The following C3orf70 variants were observed in gnomAD, a reference collection of about 807,000 sequenced individuals.
The protein encoded by C3orf70 is chromosome 3 open reading frame 70, also known as UPF0524 protein C3orf70.
A neutral mutation model predicts 20.7 loss-of-function variants in C3orf70; 15 were observed. That is an observed-to-expected ratio of 0.72 (90% CI 0.48 to 1.11). C3orf70 has a LOEUF of 1.11. Ranked by LOEUF, C3orf70 falls within the 50% of genes most tolerant of loss-of-function variation. The pLI is 0.00. For missense variants in C3orf70, 332 were observed against 317.6 expected (o/e 1.05, Z -0.34); for synonymous variants, 161 against 125.7 (o/e 1.28, Z -1.88).
intron 1 of C3orf70, among the ~76,000 whole-genome samples, chr3:185,088,829 AT>A (rs945066345): frequency 6.6e-6 from 1 of 151,994 alleles, no homozygotes; most frequent in Non-Finnish European, 1.5e-5. Context: ...TGCCAAACTG[AT>A]TTTTTTTAAA....
chr3:185,083,010 C>T lies in C3orf70; in HGVS notation c.750G>A (p.Val250=), dbSNP rs752121599. The T allele has an allele frequency of 1.4e-5, 22 of 1,612,632 alleles. No homozygotes were observed. The South Asian group carries it at 1.8e-4, about 13-fold the overall frequency. ...LEVIETIETT[V] ...CTGTGGCTTCCTGTCTGGACTCTCACACAGTCGTTTCTATCGTTTCAATCA... is the reference window on the plus strand; with the variant it reads ...CTGTGGCTTCCTGTCTGGACTCTCATACAGTCGTTTCTATCGTTTCAATCA... The change falls in exon 2 of 2, where the codon GTG becomes GTA. Residue 250 remains valine (V), a synonymous_variant. Transcript: ENST00000335012.
Position 185,152,698 on chromosome 3 carries a change from A to G in C3orf70, c.126T>C (p.Ser42=). 1 of 1,594,430 alleles carries G rather than the reference A, an allele frequency of 6.3e-7. No homozygotes were observed. The highest frequency in any genetic ancestry group is 8.5e-7 in the Non-Finnish European group (1 of 1,170,830). ...RPDFQPCDGL[S]ICATHSHGKC... ...TGCCATGGCTGTGCGTGGCACAGAT[A>G]GACAGCCCGTCGCACGGCTGGAAGT... The change falls in exon 1 of 2, where the codon TCT becomes TCC. Residue 42 remains serine (S), a synonymous_variant. Transcript: ENST00000335012.
Position 185,133,821 on chromosome 3 carries a change from G to T in C3orf70, c.196+18807C>A, listed in dbSNP as rs146963366. On this transcript the variant is annotated intron_variant, in intron 1 of 1. Transcript: ENST00000335012. ...CATGCAAGCATGAAGAAATGAGAAA[G>T]AAGCCACCTGTAATCCTAGCACTTT... Among the ~76,000 whole-genome samples, 214 of 152,188 alleles carry T rather than the reference G, an allele frequency of 1.4e-3. 1 individual carries two copies. The East Asian group carries it at 0.028, about 20-fold the overall frequency.
chr3:185,120,822 A>G (rs1170578033), intron 1 of C3orf70, among the ~76,000 whole-genome samples: 3 of 151,010 alleles, frequency 2.0e-5, no homozygotes, highest in Admixed American at 6.6e-5. Flanking sequence ...AACAGTATGG[A>G]GATTCCTTAA....
chr3:185,124,072 T>C (rs888021516), intron 1 of C3orf70, among the ~76,000 whole-genome samples: 1 of 152,196 alleles, frequency 6.6e-6, no homozygotes, highest in Non-Finnish European at 1.5e-5. Context: ...CAATAAAATA[T>C]AACAACTGTT....
chr3:185,112,667 C>T (rs1349143850), intron 1 of C3orf70, among the ~76,000 whole-genome samples: 2 of 152,136 alleles, frequency 1.3e-5, no homozygotes, highest in African/African-American at 2.4e-5. Context: ...TATTTTTGTA[C>T]TCTATGTACT....
chr3:185,100,430 C>T (rs1200261132), intron 1 of C3orf70, among the ~76,000 whole-genome samples: 1 of 152,116 alleles, frequency 6.6e-6, no homozygotes, highest in Non-Finnish European at 1.5e-5. Flanking sequence ...GTTGAATAAC[C>T]TGCTCCTGAG....
chr3:185,133,210 C>A (rs138387907), intron 1 of C3orf70, among the ~76,000 whole-genome samples: 3 of 152,190 alleles, frequency 2.0e-5, no homozygotes, highest in African/African-American at 4.8e-5. Flanking sequence ...GGCATTCTTA[C>A]ATGTTGCTGG....
intron 1 of C3orf70, among the ~76,000 whole-genome samples, chr3:185,097,181 C>T (rs1329992288): frequency 6.6e-6 from 1 of 152,034 alleles, no homozygotes; most frequent in Non-Finnish European, 1.5e-5. Flanking sequence ...TGATTGTCTA[C>T]TGAGAAAATA....
chr3:185,127,646 G>A (rs1420789499), intron 1 of C3orf70, among the ~76,000 whole-genome samples: 1 of 151,880 alleles, frequency 6.6e-6, no homozygotes, highest in East Asian at 1.9e-4. Flanking sequence ...CCCCATGTTG[G>A]CTAGGCTGGT....
intron 1 of C3orf70, among the ~76,000 whole-genome samples, chr3:185,083,823 T>C (rs1045413402): frequency 2.6e-5 from 4 of 152,336 alleles, no homozygotes; most frequent in Middle Eastern, 3.4e-3. Context: ...AGTAGGTGGA[T>C]AGACACTATA....
rs1429917779 is a variant in C3orf70, at chr3:185,152,737, G to T, written c.87C>A (p.Ala29=). 1 of 1,593,692 alleles carries T rather than the reference G, an allele frequency of 6.3e-7. No individual in the cohort carries two copies. Among genetic ancestry groups the T allele is most frequent in the Non-Finnish European group, 8.5e-7 (1 of 1,170,874 alleles). Residue 29 remains alanine (A), a synonymous_variant, in exon 1 of 2, where the codon GCC becomes GCA. Transcript: ENST00000335012. Reference sequence around the variant, plus strand: ...ACGGCTGGAAGTCGGGTCTGCGGGCGGCGCAACTCCGCGCCAGGGCCTGAG... The same window carrying T: ...ACGGCTGGAAGTCGGGTCTGCGGGCTGCGCAACTCCGCGCCAGGGCCTGAG... ...DEAQALARSC[A]ARRPDFQPCD...
intron 1 of C3orf70, among the ~76,000 whole-genome samples, chr3:185,132,650 A>G (rs1052451907): frequency 6.6e-6 from 1 of 152,190 alleles, no homozygotes; most frequent in African/African-American, 2.4e-5. Context: ...CGTATAATAC[A>G]TATCTAATCA....
chr3:185,100,705 A>C (rs966193903), intron 1 of C3orf70, among the ~76,000 whole-genome samples: 3 of 152,084 alleles, frequency 2.0e-5, no homozygotes, highest in Non-Finnish European at 4.4e-5. Flanking sequence ...CTGAACTAAA[A>C]CAGCTTTAGA....
chr3:185,112,249 C>A (rs1716091045), intron 1 of C3orf70, among the ~76,000 whole-genome samples: 1 of 152,156 alleles, frequency 6.6e-6, no homozygotes. Context: ...AAGATCACAC[C>A]ACTGCATTCC....
chr3:185,105,285 T>C (rs1715909570), intron 1 of C3orf70, among the ~76,000 whole-genome samples: 1 of 152,222 alleles, frequency 6.6e-6, no homozygotes, highest in African/African-American at 2.4e-5. Flanking sequence ...CACTGTGACA[T>C]GTTCATGATG....
intron 1 of C3orf70, among the ~76,000 whole-genome samples, chr3:185,126,271 G>C (rs1379174902): frequency 6.6e-6 from 1 of 152,170 alleles, no homozygotes; most frequent in Non-Finnish European, 1.5e-5. Context: ...AGTTCAGGCT[G>C]CCAATGTCTT....
At chr3:185,120,375 A>C (rs1310084183) in intron 1 of C3orf70, among the ~76,000 whole-genome samples, 1 of 152,222 alleles carries the variant, frequency 6.6e-6, no homozygotes, top group Admixed American at 6.5e-5. Flanking sequence ...GAAAGTAGAC[A>C]GTATAGTAAA....
At chr3:185,140,617 G>C (rs965798999) in intron 1 of C3orf70, among the ~76,000 whole-genome samples, 2 of 151,930 alleles carry the variant, frequency 1.3e-5, no homozygotes, top group African/African-American at 4.8e-5. Flanking sequence ...AATAGGTCTT[G>C]AGGGTAGAGC....
Sources: allele counts gnomAD v4.1 joint callset (sites outside exome capture counted in the v4.1 genomes callset), GRCh38; gene constraint gnomAD v4.1.1; transcripts MANE v1.5; gene names NCBI Gene and HGNC (gene_info 2026-07-23, HGNC 2026-07-21).